ATP8B2: variants seen among roughly 807,000 people sequenced by gnomAD.
ATP8B2 encodes the protein ATPase phospholipid transporting 8B2, also known as phospholipid-transporting ATPase ID.
Under a neutral mutation model 133.4 loss-of-function variants are expected in ATP8B2, and 70 were observed. The ratio of observed to expected loss-of-function variants is 0.52; its 90% confidence interval spans 0.43 to 0.64. The LOEUF (loss-of-function observed/expected upper bound fraction) is 0.64, where lower values mean the gene tolerates loss of function less well. Ranked by LOEUF, ATP8B2 falls within the 30% of genes least tolerant of loss-of-function variation. The probability of loss-of-function intolerance (pLI) is 0.00; values close to 1 mark genes in which losing one functional copy is unlikely to be tolerated. For missense variants in ATP8B2, 1,101 were observed against 1,535.7 expected, an observed-to-expected ratio of 0.72 and a Z score of 4.73; for synonymous variants, 517 against 589.5, an observed-to-expected ratio of 0.88 and a Z score of 1.78.
chr1:154,333,643 CT>C (rs60216416), intron 9 of ATP8B2, among the ~76,000 whole-genome samples: 48 of 139,684 alleles, frequency 3.4e-4, no homozygotes, highest in African/African-American at 8.3e-4. Context: ...CATGCTGCAG[CT>C]TTTTTTTTTT....
chr1:154,332,550 C>G, intron 8 of ATP8B2, 68 bp from the exon 9 acceptor site: 3 of 1,276,194 alleles, frequency 2.4e-6, no homozygotes, highest in East Asian at 5.1e-5. Flanking sequence ...AGAGCGAGAC[C>G]CCATCTGTGA....
chr1:154,347,895 C>T (rs1355300760), intron 26 of ATP8B2, among the ~76,000 whole-genome samples: 2 of 146,162 alleles, frequency 1.4e-5, no homozygotes, highest in African/African-American at 2.5e-5. Flanking sequence ...GAGCCGAGAT[C>T]GCGCCATTGC....
At position 154,343,802 on chromosome 1, in the gene ATP8B2, A is replaced by T; in HGVS notation, c.1759-91A>T. 7.0e-7 allele frequency: 1 copy of T among 1,431,126 alleles called. No individual in the cohort carries two copies. The highest frequency in any genetic ancestry group is 9.5e-7 in the Non-Finnish European group (1 of 1,054,856). The allele number at this position is 1,431,126 out of a possible 1,614,324, so 88.7% of individuals were successfully genotyped here. On this transcript the variant is annotated intron_variant, in intron 17 of 27. Coordinates refer to ENST00000368489, the MANE Select transcript of ATP8B2 (RefSeq NM_001370597.1). This position sits in a 1 kb window ranked among gnomAD's most constrained non-coding sequence, Gnocchi z 5.8. ...TAACTGTGGAATGTGGCACACACCCAGTCTACAGTGCAGGATTATTCATTG... is the reference window on the plus strand; with the variant it reads ...TAACTGTGGAATGTGGCACACACCCTGTCTACAGTGCAGGATTATTCATTG...
At chr1:154,348,684 A>G in intron 27 of ATP8B2, 146 bp downstream of exon 27, 2 of 1,401,486 alleles carry the variant, frequency 1.4e-6, no homozygotes, top group Admixed American at 2.3e-5. Flanking sequence ...CACCCTGTGC[A>G]GCTGGCCACA....
chr1:154,343,425 G>C lies in ATP8B2; in HGVS notation c.1643-28G>C, dbSNP rs1296186707. 1.9e-6 allele frequency: 3 copies of C among 1,611,548 alleles called. No individual in the cohort carries two copies. In the Admixed American group the frequency reaches 5.0e-5, roughly 27 times the overall value. ...GTCTTTGCCTGTCTGAATTTTTCTGGCACTTTCTTCACCTGCCCCATTCAT... is the reference window on the plus strand; with the variant it reads ...GTCTTTGCCTGTCTGAATTTTTCTGCCACTTTCTTCACCTGCCCCATTCAT... On this transcript the variant is annotated intron_variant, in intron 16 of 27. Transcript: ENST00000368489. The surrounding 1 kb of genome is among the most constrained non-coding windows in gnomAD (Gnocchi z 5.8).
Position 154,344,468 on chromosome 1 carries a change from C to A in ATP8B2, c.2109C>A (p.Gly703=), listed in dbSNP as rs1360622539. ...DDMTEVFIVT[G]HTVLEVREEL... The stretch of plus-strand genomic sequence containing the variant: ...TGACTGAGGTTTTCATAGTCACTGG[C>A]CATACTGTCCTGGAGGTGCGGGAGG... The change falls in exon 20 of 28, where the codon GGC becomes GGA. Residue 703 remains glycine, a synonymous_variant. Coordinates refer to ENST00000368489, the MANE Select transcript of ATP8B2 (RefSeq NM_001370597.1). This position sits in a 1 kb window ranked among gnomAD's most constrained non-coding sequence, Gnocchi z 4.1. 1 of 1,614,020 alleles carries A rather than the reference C, an allele frequency of 6.2e-7. No individual in the cohort carries two copies. Among genetic ancestry groups the A allele is most frequent in the South Asian group, 1.1e-5 (1 of 91,080 alleles).
chr1:154,340,711 C>A lies in ATP8B2; in HGVS notation c.1035-143C>A. Reference sequence around the variant, plus strand: ...CGGCTCCACCTTCAGGCTCTCCTTGCCCTTTCCCACCCAGGTTTCTGTGCC... The same window carrying A: ...CGGCTCCACCTTCAGGCTCTCCTTGACCTTTCCCACCCAGGTTTCTGTGCC... On this transcript the variant is annotated intron_variant, in intron 12 of 27. Transcript: ENST00000368489. The surrounding 1 kb of genome is among the most constrained non-coding windows in gnomAD (Gnocchi z 4.0). 2.6e-6 allele frequency: 2 copies of A among 777,432 alleles called. No individual in the cohort carries two copies. The highest frequency in any genetic ancestry group is 4.3e-6 in the Non-Finnish European group (2 of 463,118). 48.2% of individuals were successfully genotyped at this position (777,432 alleles called of 1,614,324 possible).
rs1361244016 is a variant in ATP8B2 at position 154,331,305 on chromosome 1, G to C, written c.304-139G>C. The C allele has an allele frequency of 1.7e-6, 2 of 1,145,762 alleles. No individual in the cohort carries two copies. The highest frequency in any genetic ancestry group is 2.4e-5 in the East Asian group (1 of 40,882). 71.0% of individuals were successfully genotyped at this position (1,145,762 alleles called of 1,614,324 possible). On this transcript the variant is annotated intron_variant, in intron 5 of 27. Transcript: ENST00000368489. This position sits in a 1 kb window ranked among gnomAD's most constrained non-coding sequence, Gnocchi z 4.8. ...CCATGATGTCTTTTTGCTGAGCGTG[G>C]GGAGAGGGAATCAGGGAGTGAACTG...
rs561465116 is a variant in ATP8B2, at chr1:154,344,379, C to T, written c.2036-16C>T. ...GTTGGGTGCCTGTCCGTAGCTCCTG[C>T]GTTCTCTCTTGGTAGAGACGGCTGT... On this transcript the variant is annotated splice_polypyrimidine_tract_variant and intron_variant, in intron 19 of 27. Coordinates refer to ENST00000368489, the MANE Select transcript of ATP8B2 (RefSeq NM_001370597.1). The surrounding 1 kb of genome is among the most constrained non-coding windows in gnomAD (Gnocchi z 4.1). 6.2e-6 allele frequency: 10 copies of T among 1,614,132 alleles called. No homozygotes were observed. Among genetic ancestry groups the T allele is most frequent in the East Asian group, 4.5e-5 (2 of 44,882 alleles).
At chr1:154,333,881 C>T (rs1054481058) in intron 9 of ATP8B2, among the ~76,000 whole-genome samples, 6 of 152,082 alleles carry the variant, frequency 3.9e-5, no homozygotes, top group African/African-American at 7.2e-5. Context: ...CTGATCCACC[C>T]GCCTTAGCCT....
rs1685850710 is a variant in ATP8B2 at position 154,328,033 on chromosome 1, AAAGAGGTCTCATGAGGGGAGG to A, written c.-37-71_-37-51del. The stretch of plus-strand genomic sequence containing the variant: ...TCAGAGCTGGAGAAGAGGGTCTTCA[AAAGAGGTCTCATGAGGGGAGG>A]GAAGGGTTATCCTCAGCTTCCTGAC... On this transcript the variant is annotated intron_variant, in intron 1 of 27. Coordinates refer to ENST00000368489, the MANE Select transcript of ATP8B2 (RefSeq NM_001370597.1). This position sits in a 1 kb window ranked among gnomAD's most constrained non-coding sequence, Gnocchi z 4.6. The A allele has an allele frequency of 6.4e-7, 1 of 1,551,244 alleles. No individual in the cohort carries two copies. Among genetic ancestry groups the A allele is most frequent in the African/African-American group, 1.4e-5 (1 of 73,594 alleles).
rs765779498 is a variant in ATP8B2, at chr1:154,340,873, G to A, written c.1054G>A (p.Gly352Ser). 9 of 1,614,002 alleles carry A rather than the reference G, an allele frequency of 5.6e-6. No homozygotes were observed. The African/African-American group carries it at 1.2e-4, about 22-fold the overall frequency. Residue 352 changes from glycine to serine, a missense_variant, in exon 13 of 28, where the codon GGC becomes AGC. Physicochemically the swap from Gly to Ser is moderately conservative, Grantham distance 56. Coordinates refer to ENST00000368489, the MANE Select transcript of ATP8B2 (RefSeq NM_001370597.1). This position sits in a 1 kb window ranked among gnomAD's most constrained non-coding sequence, Gnocchi z 4.0. ...LYVSVEVIRL[G>S]HSYFINWDKK... ...GTGCAGTGTGGAGGTCATCCGTCTGGGCCACAGCTACTTCATCAACTGGGA... is the reference window on the plus strand; with the variant it reads ...GTGCAGTGTGGAGGTCATCCGTCTGAGCCACAGCTACTTCATCAACTGGGA...
In ATP8B2 at chr1:154,348,934, C is replaced by T; in HGVS notation, c.3389C>T (p.Ala1130Val). ...GRTGSRRSGYAFSHQEGFGEL... is the reference protein window; with the variant it reads ...GRTGSRRSGYVFSHQEGFGEL... ...ACTGGCTCCCGGCGCTCCGGCTATG[C>T]CTTCTCCCATCAGGAGGGCTTCGGG... Residue 1130 changes from alanine (A) to valine (V), a missense_variant, in exon 28 of 28, where the codon GCC (alanine) becomes GTC (valine). Coordinates refer to ENST00000368489, the MANE Select transcript of ATP8B2 (RefSeq NM_001370597.1). The T allele has an allele frequency of 6.2e-7, 1 of 1,614,248 alleles. No individual in the cohort carries two copies. Among genetic ancestry groups the T allele is most frequent in the Non-Finnish European group, 8.5e-7 (1 of 1,180,048 alleles).
Position 154,328,110 on chromosome 1 carries a change from C to G in ATP8B2, c.-32C>G. 1 of 1,614,094 alleles carries G rather than the reference C, an allele frequency of 6.2e-7. No individual in the cohort carries two copies. Among genetic ancestry groups the G allele is most frequent in the Non-Finnish European group, 8.5e-7 (1 of 1,179,988 alleles). ...TCGTCTGTCACTTCTTGCAGGGTCT[C>G]CCATGGGATTGCTGGGATCTTGCTG... On this transcript the variant is annotated 5_prime_UTR_variant, in exon 2 of 28. Transcript: ENST00000368489. This position sits in a 1 kb window ranked among gnomAD's most constrained non-coding sequence, Gnocchi z 4.6.
chr1:154,345,238 C>G lies in ATP8B2; in HGVS notation c.2470+84C>G. Reference sequence around the variant, plus strand: ...AGGTCTCTGGACTGCAGAAGAATGACGGGAAGGGGGTTGTAACTTGGTAGG... The same window carrying G: ...AGGTCTCTGGACTGCAGAAGAATGAGGGGAAGGGGGTTGTAACTTGGTAGG... On this transcript the variant is annotated intron_variant, in intron 22 of 27. Coordinates refer to ENST00000368489, the MANE Select transcript of ATP8B2 (RefSeq NM_001370597.1). The surrounding 1 kb of genome is among the most constrained non-coding windows in gnomAD (Gnocchi z 5.6). 1.9e-6 allele frequency: 3 copies of G among 1,599,848 alleles called. No homozygotes were observed. The highest frequency in any genetic ancestry group is 1.7e-6 in the Non-Finnish European group (2 of 1,170,788).
chr1:154,343,151 G>C lies in ATP8B2; in HGVS notation c.1492G>C (p.Ala498Pro). Residue 498 changes from alanine (A) to proline (P), a missense_variant, in exon 16 of 28, where the codon GCC (alanine) becomes CCC (proline). By Grantham distance (27) the Ala-to-Pro change is conservative. Coordinates refer to ENST00000368489, the MANE Select transcript of ATP8B2 (RefSeq NM_001370597.1). The surrounding 1 kb of genome is among the most constrained non-coding windows in gnomAD (Gnocchi z 5.8). ...YYKAQSPDEG[A>P]LVTAARNFGF... The stretch of plus-strand genomic sequence containing the variant: ...CAAAGCTCAGTCCCCAGATGAGGGG[G>C]CCCTGGTCACCGCAGCCAGGAACTT... 1 of 1,614,130 alleles carries C rather than the reference G, an allele frequency of 6.2e-7. No individual in the cohort carries two copies. Among genetic ancestry groups the C allele is most frequent in the Non-Finnish European group, 8.5e-7 (1 of 1,180,034 alleles).
At chr1:154,338,393 G>C (rs1686262805) in intron 12 of ATP8B2, among the ~76,000 whole-genome samples, 1 of 152,218 alleles carries the variant, frequency 6.6e-6, no homozygotes, top group South Asian at 2.1e-4. Flanking sequence ...TGGGCACGGT[G>C]GCTCACACCT....
Position 154,332,598 on chromosome 1 carries a change from C to G in ATP8B2, c.510-20C>G, listed in dbSNP as rs1209623245. On this transcript the variant is annotated intron_variant, in intron 8 of 27. Transcript: ENST00000368489. ...AGAGGATGAGGAGGGAGCGGGGACT[C>G]AGAGATACTGTCCTTCCAGCGAGAC... is the stretch of plus-strand genomic sequence containing the variant. 6.4e-7 allele frequency: 1 copy of G among 1,565,918 alleles called. No homozygotes were observed. The highest frequency in any genetic ancestry group is 8.7e-7 in the Non-Finnish European group (1 of 1,151,210).
At position 154,328,785 on chromosome 1, in the gene ATP8B2, C is replaced by T. The variant is rs141140594; in HGVS notation, c.31+613C>T. On this transcript the variant is annotated intron_variant, in intron 2 of 27. Transcript: ENST00000368489. This position sits in a 1 kb window ranked among gnomAD's most constrained non-coding sequence, Gnocchi z 4.6. Reference sequence around the variant, plus strand: ...CGCCGGGGGGCATGGGGGGCGGCGGCGGCGGCGCAGCTGAGCTCGCGGTGT... The same window carrying T: ...CGCCGGGGGGCATGGGGGGCGGCGGTGGCGGCGCAGCTGAGCTCGCGGTGT... 1 of 1,002,788 alleles carries T rather than the reference C, an allele frequency of 1.0e-6. No homozygotes were observed. The highest frequency in any genetic ancestry group is 1.7e-5 in the African/African-American group (1 of 57,350). 62.1% of individuals were successfully genotyped at this position (1,002,788 alleles called of 1,614,324 possible). A position where few individuals can be genotyped will look rare whatever the true frequency, so the allele number is the denominator to read the frequency against.
Sources: allele counts gnomAD v4.1 joint callset (sites outside exome capture counted in the v4.1 genomes callset), GRCh38; gene constraint gnomAD v4.1.1; non-coding constraint Gnocchi (gnomAD v3.1); transcripts MANE v1.5; gene names NCBI Gene and HGNC (gene_info 2026-07-23, HGNC 2026-07-21).